EZR: variants seen among roughly 807,000 people sequenced by gnomAD.
EZR encodes cytovillin 2.
Under a neutral mutation model 74.8 loss-of-function variants are expected in EZR, and 40 were observed. That is an observed-to-expected ratio of 0.53 (90% CI 0.42 to 0.70). EZR has a LOEUF of 0.70. Ranked by LOEUF, EZR falls within the 30% of genes least tolerant of loss-of-function variation. EZR has a pLI of 0.00. For missense variants in EZR, 678 were observed against 755.8 expected (o/e 0.90, Z 1.21); for synonymous variants, 341 against 283.3 (o/e 1.20, Z -2.05).
chr6:158,787,177 T>C lies in EZR; in HGVS notation c.123A>G (p.Glu41=), dbSNP rs73799906. Reference sequence around the variant, plus strand: ...CATAGTGGAGGCCAAAGTACCACACTTCCCGGAGGCCGATAGTCTTTACCA... The same window carrying C: ...CATAGTGGAGGCCAAAGTACCACACCTCCCGGAGGCCGATAGTCTTTACCA... ...DQVVKTIGLR[E]VWYFGLHYVD... The change falls in exon 4 of 14, where the codon GAA becomes GAG. Residue 41 remains glutamate (E), a synonymous_variant. Transcript: ENST00000367075. The C allele has an allele frequency of 9.6e-4, 1,550 of 1,613,166 alleles. 17 individuals carry two copies. The African/African-American group carries it at 0.017, about 17-fold the overall frequency.
At chr6:158,803,547 AT>A (rs1245077794) in intron 2 of EZR, among the ~76,000 whole-genome samples, 1 of 1,568 alleles carries the variant, frequency 6.4e-4, no homozygotes, top group Non-Finnish European at 2.0e-3. Context: ...ATATATATGT[AT>A]ATATATATAT....
Position 158,783,681 on chromosome 6 carries a change from T to G in EZR, c.552-15A>C, listed in dbSNP as rs3212305. The G allele has an allele frequency of 3.7e-3, 5,977 of 1,611,608 alleles. 23 individuals carry two copies. The highest frequency in any genetic ancestry group is 4.6e-3 in the Non-Finnish European group (5,409 of 1,178,870). On this transcript the variant is annotated splice_polypyrimidine_tract_variant and intron_variant, in intron 6 of 13. Transcript: ENST00000367075. ...TAGCATTATCTCTAATTGGGGAGAG[T>G]GAAACAGGCAGAGTCACTGGTAGCA...
At chr6:158,768,422 G>T (rs116113900) in intron 12 of EZR, among the ~76,000 whole-genome samples, 1 of 152,132 alleles carries the variant, frequency 6.6e-6, no homozygotes, top group African/African-American at 2.4e-5. Flanking sequence ...GATCGGCAGC[G>T]GGAATGGGGG....
Position 158,784,699 on chromosome 6 carries a change from C to T in EZR, c.496G>A (p.Asp166Asn). ...ACCTGGATCCGGTCCTCCCACTGGT[C>T]CCTGGTAAGTTTGTGCTGGTCCATC... ...RVMDQHKLTRDQWEDRIQVWH... is the reference protein window; with the variant it reads ...RVMDQHKLTRNQWEDRIQVWH... Residue 166 changes from aspartate to asparagine, a missense_variant, in exon 6 of 14, where the codon GAC (aspartate) becomes AAC (asparagine). Transcript: ENST00000367075. 1.2e-6 allele frequency: 2 copies of T among 1,614,176 alleles called. No homozygotes were observed. The highest frequency in any genetic ancestry group is 1.7e-6 in the Non-Finnish European group (2 of 1,180,028).
chr6:158,800,805 GA>G (rs918399670), intron 2 of EZR, among the ~76,000 whole-genome samples: 5 of 150,720 alleles, frequency 3.3e-5, no homozygotes, highest in Non-Finnish European at 7.4e-5. Context: ...GTCTCAAAAA[GA>G]AAAAAAAATT....
chr6:158,804,054 G>A (rs559228545), intron 2 of EZR, among the ~76,000 whole-genome samples: 8 of 152,210 alleles, frequency 5.3e-5, no homozygotes, highest in Admixed American at 4.6e-4. Context: ...AGTCATGCCC[G>A]AGTTCCAAGC....
chr6:158,767,764 ACT>A (rs1232129335), intron 12 of EZR, among the ~76,000 whole-genome samples: 1 of 151,456 alleles, frequency 6.6e-6, no homozygotes, highest in African/African-American at 2.4e-5. Context: ...TTTACCTGTA[ACT>A]CTAGACATTA....
At chr6:158,768,738 A>AC (rs1790999011) in intron 12 of EZR, among the ~76,000 whole-genome samples, 1 of 152,134 alleles carries the variant, frequency 6.6e-6, no homozygotes, top group Non-Finnish European at 1.5e-5. Flanking sequence ...TGGGCATGGG[A>AC]CCTCGCATCT....
At chr6:158,818,021 G>A (rs1459135130) in intron 2 of EZR, 61 bp downstream of exon 2, 4 of 1,561,442 alleles carry the variant, frequency 2.6e-6, no homozygotes, top group South Asian at 1.2e-5. Flanking sequence ...CCTCGAGCAG[G>A]TGCCTCCCCT....
intron 2 of EZR, 106 bp downstream of exon 2, chr6:158,817,976 G>C (rs1454381266): frequency 1.8e-6 from 2 of 1,122,294 alleles, no homozygotes; most frequent in South Asian, 1.6e-5. Flanking sequence ...TTCTGCGTGT[G>C]AGAAGAACCC....
chr6:158,771,464 C>T (rs2128566384), intron 8 of EZR, 57 bp from the exon 9 acceptor site: 3 of 1,518,410 alleles, frequency 2.0e-6, no homozygotes, highest in Non-Finnish European at 8.8e-7. Flanking sequence ...TTTTCTTCTC[C>T]AAACCATCCT....
intron 2 of EZR, among the ~76,000 whole-genome samples, chr6:158,812,223 C>T (rs1777464612): frequency 6.6e-6 from 1 of 152,182 alleles, no homozygotes. Context: ...CCAATAACAG[C>T]ACTCCTGGCA....
intron 12 of EZR, among the ~76,000 whole-genome samples, chr6:158,768,130 G>A (rs948783943): frequency 1.4e-4 from 22 of 151,994 alleles, no homozygotes; most frequent in African/African-American, 5.3e-4. Context: ...CCTGGTGGGA[G>A]GTGACTGGAT....
chr6:158,799,054 C>T (rs139698784), intron 2 of EZR, among the ~76,000 whole-genome samples: 189 of 152,292 alleles, frequency 1.2e-3, no homozygotes, highest in African/African-American at 3.6e-3. Context: ...GCCCTATTCA[C>T]GGCTGCTCAC....
intron 7 of EZR, among the ~76,000 whole-genome samples, chr6:158,777,378 C>G (rs992487968): frequency 1.3e-5 from 2 of 152,260 alleles, no homozygotes; most frequent in African/African-American, 4.8e-5. Flanking sequence ...AGGGCTAATC[C>G]TACTTAACCA....
chr6:158,799,240 T>TA (rs1777141120), intron 2 of EZR, among the ~76,000 whole-genome samples: 2 of 152,122 alleles, frequency 1.3e-5, no homozygotes, highest in African/African-American at 4.8e-5. Flanking sequence ...AGGGGCTTGT[T>TA]AAAACAGTTT....
At chr6:158,814,278 G>T (rs1340273404) in intron 2 of EZR, among the ~76,000 whole-genome samples, 1 of 152,052 alleles carries the variant, frequency 6.6e-6, no homozygotes, top group African/African-American at 2.4e-5. Context: ...GTGCTGCCGC[G>T]TGCGCCCCCC....
intron 2 of EZR, among the ~76,000 whole-genome samples, chr6:158,814,276 G>A (rs1332966899): frequency 2.0e-5 from 3 of 152,142 alleles, no homozygotes; most frequent in East Asian, 1.9e-4. Flanking sequence ...GAGTGCTGCC[G>A]CGTGCGCCCC....
intron 2 of EZR, among the ~76,000 whole-genome samples, chr6:158,810,687 C>T (rs570242296): frequency 6.6e-6 from 1 of 152,286 alleles, no homozygotes; most frequent in Middle Eastern, 3.4e-3. Flanking sequence ...ATTGCTTTTT[C>T]CTTGAGAAGA....
Sources: gnomAD v4.1 joint callset for allele counts (sites outside exome capture counted in the v4.1 genomes callset) on GRCh38, gnomAD v4.1.1 for gene constraint, MANE v1.5 for transcripts, NCBI Gene and HGNC (gene_info 2026-07-23, HGNC 2026-07-21) for gene names.